RSRC1: variants seen among roughly 807,000 people sequenced by gnomAD.
The protein encoded by RSRC1 is arginine and serine rich coiled-coil 1.
In RSRC1, 39 loss-of-function variants were observed where a neutral mutation model predicts 49.1. The ratio of observed to expected loss-of-function variants is 0.79; its 90% confidence interval spans 0.61 to 1.04. RSRC1 has a LOEUF of 1.04. Ranked by LOEUF, RSRC1 falls within the 50% of genes least tolerant of loss-of-function variation. The pLI is 0.00. For missense variants in RSRC1, 388 were observed against 402.4 expected (o/e 0.96, Z 0.31); for synonymous variants, 143 against 130.8 (o/e 1.09, Z -0.63).
chr3:158,203,267 C>G, intron 4 of RSRC1, 22 bp downstream of exon 4: 1 of 1,553,486 alleles, frequency 6.4e-7, no homozygotes, highest in South Asian at 1.2e-5. Context: ...CAAATCTTAT[C>G]TGGTAAGGAC....
intron 4 of RSRC1, among the ~76,000 whole-genome samples, chr3:158,247,999 C>G (rs571444400): frequency 1.3e-5 from 2 of 152,312 alleles, no homozygotes; most frequent in South Asian, 4.1e-4. Flanking sequence ...ACACCTACCA[C>G]CCAATGCGAC....
At chr3:158,299,852 C>T (rs920058290) in intron 5 of RSRC1, among the ~76,000 whole-genome samples, 1 of 152,092 alleles carries the variant, frequency 6.6e-6, no homozygotes. Flanking sequence ...GCTGTGCCTT[C>T]GGCTGCCCAG....
At chr3:158,127,628 T>C (rs4542974) in intron 3 of RSRC1, among the ~76,000 whole-genome samples, 18,477 of 152,046 alleles carry the variant, frequency 0.12, 1,396 homozygotes, top group Middle Eastern at 0.2. Flanking sequence ...ATCATTGAGC[T>C]TTAAGACAAC....
At chr3:158,517,057 C>A (rs1453092201) in intron 7 of RSRC1, among the ~76,000 whole-genome samples, 2 of 152,242 alleles carry the variant, frequency 1.3e-5, no homozygotes, top group Admixed American at 1.3e-4. Context: ...CACCCGTCTT[C>A]TGCGTCGCTC....
intron 6 of RSRC1, among the ~76,000 whole-genome samples, chr3:158,459,021 C>T (rs904852134): frequency 6.6e-6 from 1 of 152,024 alleles, no homozygotes; most frequent in Non-Finnish European, 1.5e-5. Context: ...TTATGGAGGA[C>T]ATACTGATTG....
chr3:158,290,101 A>G (rs1316312376), intron 4 of RSRC1, among the ~76,000 whole-genome samples: 5 of 152,134 alleles, frequency 3.3e-5, no homozygotes, highest in Admixed American at 2.0e-4. Flanking sequence ...CAATTGGTCC[A>G]TTATTAGGCT....
At position 158,327,331 on chromosome 3, in the gene RSRC1, C is replaced by G. The variant is rs189961758; in HGVS notation, c.532-27526C>G. ...TCTTTTAATTGTGATGTTAGGGTGTCAATTTTAGATCTTTCCTGCTGTCTC... is the reference window on the plus strand; with the variant it reads ...TCTTTTAATTGTGATGTTAGGGTGTGAATTTTAGATCTTTCCTGCTGTCTC... On this transcript the variant is annotated intron_variant, in intron 5 of 9. Transcript: ENST00000611884. 8.9e-3 allele frequency among the ~76,000 whole-genome samples: 1,356 copies of G among 152,212 alleles called. 21 individuals are homozygous for G. Among genetic ancestry groups the G allele is most frequent in the African/African-American group, 0.032 (1,319 of 41,508 alleles).
intron 7 of RSRC1, among the ~76,000 whole-genome samples, chr3:158,472,223 C>T (rs1457205517): frequency 6.6e-6 from 1 of 151,952 alleles, no homozygotes; most frequent in Admixed American, 6.6e-5. Flanking sequence ...CTTTGCAGGT[C>T]AGAAGTGCTA....
At chr3:158,147,988 T>C (rs1177995541) in intron 3 of RSRC1, among the ~76,000 whole-genome samples, 1 of 152,224 alleles carries the variant, frequency 6.6e-6, no homozygotes, top group African/African-American at 2.4e-5. Context: ...TAAACTCTTA[T>C]TCTTAATTTC....
At chr3:158,450,389 C>G (rs1235605826) in intron 6 of RSRC1, among the ~76,000 whole-genome samples, 1 of 146,834 alleles carries the variant, frequency 6.8e-6, no homozygotes, top group East Asian at 2.0e-4. Context: ...GTAATAATTG[C>G]AATTTCATAT....
intron 4 of RSRC1, among the ~76,000 whole-genome samples, chr3:158,246,541 G>A (rs958089625): frequency 1.3e-5 from 2 of 152,100 alleles, no homozygotes; most frequent in Non-Finnish European, 2.9e-5. Flanking sequence ...CATATGTAGT[G>A]TGCTTCCTTC....
intron 3 of RSRC1, among the ~76,000 whole-genome samples, chr3:158,153,568 TC>T (rs1717682063): frequency 6.6e-6 from 1 of 152,184 alleles, no homozygotes; most frequent in African/African-American, 2.4e-5. Flanking sequence ...AGACATGATT[TC>T]AGAAAGCACT....
chr3:158,457,749 T>TTTG (rs1553809978), intron 6 of RSRC1, among the ~76,000 whole-genome samples: 11,856 of 148,848 alleles, frequency 0.08, 1,513 homozygotes, highest in African/African-American at 0.27. Flanking sequence ...TGTTTTTTTT[T>TTTG]TTTGTTTGTT....
intron 6 of RSRC1, among the ~76,000 whole-genome samples, chr3:158,424,281 A>G (rs1347108624): frequency 6.6e-6 from 1 of 151,744 alleles, no homozygotes; most frequent in Non-Finnish European, 1.5e-5. Flanking sequence ...GAGAGTTTTT[A>G]GCATGAAGGG....
At chr3:158,400,434 TGTAAA>T (rs1255903427) in intron 6 of RSRC1, among the ~76,000 whole-genome samples, 1 of 152,112 alleles carries the variant, frequency 6.6e-6, no homozygotes, top group Admixed American at 6.6e-5. Flanking sequence ...AATAGTTAAC[TGTAAA>T]GTAGCCTCAG....
chr3:158,515,457 C>T (rs1204661536), intron 7 of RSRC1, among the ~76,000 whole-genome samples: 1 of 136,122 alleles, frequency 7.3e-6, no homozygotes, highest in East Asian at 2.0e-4. Context: ...AGCGTTTCTG[C>T]CGAGAGATCC....
chr3:158,119,466 TAA>T (rs1715098927), intron 1 of RSRC1, among the ~76,000 whole-genome samples: 1 of 152,172 alleles, frequency 6.6e-6, no homozygotes, highest in African/African-American at 2.4e-5. Context: ...AGCAAGATAG[TAA>T]AAGCTCATCT....
intron 7 of RSRC1, among the ~76,000 whole-genome samples, chr3:158,479,859 A>G (rs1426244331): frequency 6.6e-6 from 1 of 152,080 alleles, no homozygotes; most frequent in East Asian, 1.9e-4. Context: ...GGCAATAGAT[A>G]TCAAATACTA....
chr3:158,203,221 A>G lies in RSRC1; in HGVS notation c.470A>G (p.Lys157Arg). The G allele has an allele frequency of 6.2e-7, 1 of 1,600,340 alleles. No homozygotes were observed. The highest frequency in any genetic ancestry group is 8.5e-7 in the Non-Finnish European group (1 of 1,172,804). Reference sequence around the variant, plus strand: ...AAGGAGAAGGATAAAGGGAAGGACAAGGAATTACATAACATCAAACGTGGG... The same window carrying G: ...AAGGAGAAGGATAAAGGGAAGGACAGGGAATTACATAACATCAAACGTGGG... Reference protein sequence around the residue: ...REKEKDKGKDKELHNIKRGES... With the variant: ...REKEKDKGKDRELHNIKRGES... The change falls in exon 4 of 10, where the codon AAG becomes AGG. Residue 157 changes from lysine to arginine, a missense_variant. Lys to Arg is a conservative substitution (Grantham distance 26, BLOSUM62 2). Coordinates refer to ENST00000611884, the MANE Select transcript of RSRC1 (RefSeq NM_001271838.2).
Sources: allele counts gnomAD v4.1 joint callset (sites outside exome capture counted in the v4.1 genomes callset), GRCh38; gene constraint gnomAD v4.1.1; transcripts MANE v1.5; gene names NCBI Gene and HGNC (gene_info 2026-07-23, HGNC 2026-07-21).